GFRA1: variants seen among roughly 807,000 people sequenced by gnomAD.
GFRA1 encodes the protein GDNF family receptor alpha 1.
Under a neutral mutation model 51.6 loss-of-function variants are expected in GFRA1, and 16 were observed. The ratio of observed to expected loss-of-function variants is 0.31; its 90% confidence interval spans 0.21 to 0.47. The LOEUF (loss-of-function observed/expected upper bound fraction) is 0.47. Among genes scored for constraint, GFRA1 ranks in the 20% least tolerant of loss-of-function variants. The pLI, the probability that GFRA1 is intolerant of heterozygous loss-of-function variation, is 1.00. For synonymous variants in GFRA1, 270 were observed against 241.3 expected, an observed-to-expected ratio of 1.12 and a Z score of -1.10; for missense variants, 530 against 594.3, an observed-to-expected ratio of 0.89 and a Z score of 1.13.
At chr10:116,263,987 A>C (rs1268273832) in intron 4 of GFRA1, among the ~76,000 whole-genome samples, 2 of 152,128 alleles carry the variant, frequency 1.3e-5, no homozygotes, top group Non-Finnish European at 2.9e-5. Flanking sequence ...AGGAAGAGAG[A>C]GGGTAAGGAG....
intron 8 of GFRA1, among the ~76,000 whole-genome samples, chr10:116,093,332 A>C (rs1956432085): frequency 6.6e-6 from 1 of 152,094 alleles, no homozygotes; most frequent in Non-Finnish European, 1.5e-5. Context: ...TTTGGAACAG[A>C]CTCTCCGCAG....
At chr10:116,205,095 C>A (rs941104858) in intron 5 of GFRA1, among the ~76,000 whole-genome samples, 1 of 152,044 alleles carries the variant, frequency 6.6e-6, no homozygotes, top group Non-Finnish European at 1.5e-5. Flanking sequence ...CATTAAAAAT[C>A]CAATATTATA....
intron 5 of GFRA1, among the ~76,000 whole-genome samples, chr10:116,159,983 T>A (rs1296359731): frequency 6.6e-6 from 1 of 152,170 alleles, no homozygotes; most frequent in East Asian, 1.9e-4. Context: ...CAAAACAAAA[T>A]CACGTGAAAT....
intron 4 of GFRA1, among the ~76,000 whole-genome samples, chr10:116,231,257 G>T (rs913933939): frequency 1.2e-4 from 18 of 152,122 alleles, no homozygotes; most frequent in African/African-American, 4.1e-4. Flanking sequence ...CCAGGAGTCA[G>T]CCAGGTCTGA....
intron 10 of GFRA1, among the ~76,000 whole-genome samples, chr10:116,064,891 C>T (rs1349433178): frequency 6.6e-6 from 1 of 152,120 alleles, no homozygotes; most frequent in Non-Finnish European, 1.5e-5. Flanking sequence ...TAACTGACAG[C>T]GTTGGAGACA....
intron 4 of GFRA1, among the ~76,000 whole-genome samples, chr10:116,230,965 G>A (rs946011282): frequency 6.6e-5 from 10 of 152,162 alleles, no homozygotes; most frequent in Non-Finnish European, 1.2e-4. Context: ...GAATGAGGAG[G>A]AATCTGGAAA....
chr10:116,183,122 A>G (rs11197571), intron 5 of GFRA1, among the ~76,000 whole-genome samples: 20,236 of 152,274 alleles, frequency 0.13, 1,386 homozygotes, highest in Non-Finnish European at 0.16. Flanking sequence ...CTCAGAGGGA[A>G]CAAGTACAGC....
chr10:116,147,020 TTATTTGTG>T (rs1351873851), intron 5 of GFRA1, among the ~76,000 whole-genome samples: 7 of 30,196 alleles, frequency 2.3e-4, no homozygotes, highest in South Asian at 5.8e-3. Flanking sequence ...ATTTATTTAT[TTATTTGTG>T]TGTGTGTGTG....
chr10:116,163,205 G>A (rs560177886), intron 5 of GFRA1, among the ~76,000 whole-genome samples: 3 of 152,234 alleles, frequency 2.0e-5, no homozygotes, highest in African/African-American at 7.2e-5. Context: ...AAAATCTATG[G>A]GTAGGGCATA....
chr10:116,061,393 G>A lies in GFRA1; in HGVS notation c.*3005C>T, dbSNP rs2133743304. On this transcript the variant is annotated 3_prime_UTR_variant, in exon 11 of 11. Transcript: ENST00000355422. ...AAATCAGGTATGGAAAAATAAATATGTAATTGGCATTCTCAATTCCTTCTC... is the reference window on the plus strand; with the variant it reads ...AAATCAGGTATGGAAAAATAAATATATAATTGGCATTCTCAATTCCTTCTC... The A allele has an allele frequency of 6.6e-6, 1 of 151,804 alleles. No homozygotes were observed. The highest frequency in any genetic ancestry group is 1.9e-4 in the East Asian group (1 of 5,142). The allele number at this position is 151,804 out of a possible 1,614,324, so 9.4% of individuals were successfully genotyped here. A position where few individuals can be genotyped will look rare whatever the true frequency, so the allele number is the denominator to read the frequency against.
In GFRA1 at chr10:116,064,030, CTG is replaced by C. The variant is rs1188451127; in HGVS notation, c.*366_*367del. ...TAGCTAGGAAAGGCCAGAAGTAAAACTGTTAAAATCATCATCATGATCATGAT... is the reference window on the plus strand; with the variant it reads ...TAGCTAGGAAAGGCCAGAAGTAAAACTTAAAATCATCATCATGATCATGAT... On this transcript the variant is annotated 3_prime_UTR_variant, in exon 11 of 11. Coordinates refer to ENST00000355422, the MANE Select transcript of GFRA1 (RefSeq NM_005264.8). 5.9e-6 allele frequency: 1 copy of C among 169,760 alleles called. No individual in the cohort carries two copies. The highest frequency in any genetic ancestry group is 1.2e-5 in the Non-Finnish European group (1 of 83,834). The allele number at this position is 169,760 out of a possible 1,614,324, so 10.5% of individuals were successfully genotyped here. A position where few individuals can be genotyped will look rare whatever the true frequency, so the allele number is the denominator to read the frequency against.
chr10:116,159,839 T>C (rs1589833203), intron 5 of GFRA1, among the ~76,000 whole-genome samples: 1 of 152,132 alleles, frequency 6.6e-6, no homozygotes, highest in African/African-American at 2.4e-5. Context: ...TGCTCTTAGG[T>C]CAATTCAGAA....
At chr10:116,098,665 C>T (rs531046804) in intron 6 of GFRA1, among the ~76,000 whole-genome samples, 2 of 152,216 alleles carry the variant, frequency 1.3e-5, no homozygotes, top group African/African-American at 2.4e-5. Flanking sequence ...AGAGACAAGA[C>T]AAAAGGTCGC....
At chr10:116,268,287 T>A (rs2577359) in intron 4 of GFRA1, among the ~76,000 whole-genome samples, 151,244 of 152,354 alleles carry the variant, frequency 0.99, 75,083 homozygotes, top group East Asian at 1. Context: ...CCTCAATTTA[T>A]TCATCTATAA....
chr10:116,207,615 GAT>G (rs375530867), intron 5 of GFRA1, among the ~76,000 whole-genome samples: 237 of 98,566 alleles, frequency 2.4e-3, no homozygotes, highest in African/African-American at 7.3e-3. Context: ...ATATATGATT[GAT>G]ATATATATAT....
intron 6 of GFRA1, among the ~76,000 whole-genome samples, chr10:116,107,579 A>G (rs990253041): frequency 2.0e-5 from 3 of 151,970 alleles, no homozygotes; most frequent in Non-Finnish European, 2.9e-5. Context: ...TTTTTTATAG[A>G]CCAATGAAAT....
chr10:116,159,147 A>T (rs189131499), intron 5 of GFRA1, among the ~76,000 whole-genome samples: 2 of 152,176 alleles, frequency 1.3e-5, no homozygotes, highest in Admixed American at 6.5e-5. Context: ...CCAAAACACA[A>T]ACCAGTTTCT....
intron 5 of GFRA1, among the ~76,000 whole-genome samples, chr10:116,196,476 G>A (rs185674428): frequency 3.0e-4 from 43 of 144,130 alleles, no homozygotes; most frequent in East Asian, 2.2e-3. Flanking sequence ...GTGATGGTGC[G>A]AGACTCTGTC....
chr10:116,072,388 A>G (rs915868717), intron 9 of GFRA1, among the ~76,000 whole-genome samples: 31 of 152,150 alleles, frequency 2.0e-4, no homozygotes, highest in African/African-American at 7.5e-4. Flanking sequence ...AGCTGGCTAA[A>G]TGAGTGTCAG....
Sources: allele counts gnomAD v4.1 joint callset (sites outside exome capture counted in the v4.1 genomes callset), GRCh38; gene constraint gnomAD v4.1.1; transcripts MANE v1.5; gene names NCBI Gene and HGNC (gene_info 2026-07-23, HGNC 2026-07-21).